Variants in NOL10 observed in about 807,000 individuals in gnomAD.
The protein encoded by NOL10 is H_NH0074G24.1.
A neutral mutation model predicts 103.5 loss-of-function variants in NOL10; 58 were observed. That is an observed-to-expected ratio of 0.56 (90% CI 0.45 to 0.70). The LOEUF is 0.70. Among genes scored for constraint, NOL10 ranks in the 30% least tolerant of loss-of-function variants. NOL10 has a pLI of 0.00. For missense variants in NOL10, 763 were observed against 807.3 expected, an observed-to-expected ratio of 0.95 and a Z score of 0.67; for synonymous variants, 287 against 282.5, an observed-to-expected ratio of 1.02 and a Z score of -0.16.
intron 13 of NOL10, among the ~76,000 whole-genome samples, chr2:10,633,727 G>A (rs748515677): frequency 3.1e-4 from 47 of 152,076 alleles, no homozygotes; most frequent in Non-Finnish European, 5.9e-4. Context: ...GCAAAATAAT[G>A]AGCCACTGGA....
At chr2:10,670,779 A>G (rs1286587817) in intron 6 of NOL10, among the ~76,000 whole-genome samples, 1 of 152,170 alleles carries the variant, frequency 6.6e-6, no homozygotes, top group African/African-American at 2.4e-5. Context: ...CAGAAAAAAC[A>G]AAACAAAAAG....
intron 20 of NOL10, among the ~76,000 whole-genome samples, chr2:10,574,646 C>CA (rs145471806): frequency 0.35 from 40,715 of 116,290 alleles, 6,886 homozygotes; most frequent in Non-Finnish European, 0.44. Context: ...GACTCTGTCT[C>CA]AAAAAAAAAA....
At chr2:10,668,040 C>T (rs1483461206) in intron 7 of NOL10, among the ~76,000 whole-genome samples, 1 of 152,150 alleles carries the variant, frequency 6.6e-6, no homozygotes, top group Non-Finnish European at 1.5e-5. Context: ...CTACTTACCT[C>T]TCTGAGCCTC....
intron 3 of NOL10, among the ~76,000 whole-genome samples, chr2:10,679,615 T>C (rs1438691065): frequency 2.8e-5 from 4 of 143,290 alleles, no homozygotes; most frequent in Admixed American, 7.0e-5. Context: ...TCTCTTTCTC[T>C]CTCTTTCTCT....
In NOL10 at chr2:10,639,197, C is replaced by T. The variant is rs934959286; in HGVS notation, c.1026+5123G>A. On this transcript the variant is annotated intron_variant, in intron 13 of 20. Coordinates refer to ENST00000381685, the MANE Select transcript of NOL10 (RefSeq NM_024894.4). ...CAGCACTTTGGGAGGCCGAGGCAGGCGGATCACAAGGTCAGGAGATCAAGA... is the reference window on the plus strand; with the variant it reads ...CAGCACTTTGGGAGGCCGAGGCAGGTGGATCACAAGGTCAGGAGATCAAGA... Among the ~76,000 whole-genome samples the T allele has an allele frequency of 5.9e-5, 9 of 152,072 alleles. No homozygotes were observed. The South Asian group carries it at 1.2e-3, about 21-fold the overall frequency.
intron 12 of NOL10, among the ~76,000 whole-genome samples, chr2:10,644,813 G>T (rs1678941023): frequency 6.6e-6 from 1 of 152,120 alleles, no homozygotes; most frequent in Non-Finnish European, 1.5e-5. Flanking sequence ...TTCAATAAAG[G>T]ATTCTCTATA....
At chr2:10,590,722 C>T (rs572155312) in intron 17 of NOL10, 17 of 151,154 alleles carry the variant, frequency 1.1e-4, no homozygotes, top group Non-Finnish European at 1.5e-4. Context: ...ATACTAAATT[C>T]CTTTTTATTT....
chr2:10,683,632 A>G (rs1246172787), intron 2 of NOL10, among the ~76,000 whole-genome samples: 1 of 152,172 alleles, frequency 6.6e-6, no homozygotes, highest in East Asian at 1.9e-4. Context: ...CTTGATAGAC[A>G]GGTAACCTGT....
intron 13 of NOL10, among the ~76,000 whole-genome samples, chr2:10,611,125 A>G (rs143238955): frequency 6.6e-6 from 1 of 152,356 alleles, no homozygotes; most frequent in East Asian, 1.9e-4. Context: ...CAGTATTAAT[A>G]AAAGTAGAAA....
intron 1 of NOL10, among the ~76,000 whole-genome samples, chr2:10,687,986 C>T (rs1246015930): frequency 1.3e-5 from 2 of 152,188 alleles, no homozygotes; most frequent in African/African-American, 4.8e-5. Flanking sequence ...TGTGTTCCTT[C>T]TTGATTCTTC....
chr2:10,638,483 CTTTTTT>C (rs869294782), intron 13 of NOL10, among the ~76,000 whole-genome samples: 23,927 of 76,296 alleles, frequency 0.31, 2,215 homozygotes, highest in Middle Eastern at 0.36. Context: ...GCTGAATTCC[CTTTTTT>C]TTTTTTTTTT....
intron 13 of NOL10, among the ~76,000 whole-genome samples, chr2:10,639,936 C>T (rs888724492): frequency 6.6e-6 from 1 of 152,112 alleles, no homozygotes; most frequent in African/African-American, 2.4e-5. Flanking sequence ...AAGCTGGCTA[C>T]AGAGATATCT....
At chr2:10,629,437 A>G (rs1677692956) in intron 13 of NOL10, among the ~76,000 whole-genome samples, 1 of 152,154 alleles carries the variant, frequency 6.6e-6, no homozygotes, top group South Asian at 2.1e-4. Context: ...AAAAAACAAG[A>G]TAAGAAACCA....
chr2:10,580,846 C>A (rs1674712614), intron 19 of NOL10, among the ~76,000 whole-genome samples: 1 of 152,052 alleles, frequency 6.6e-6, no homozygotes, highest in Non-Finnish European at 1.5e-5. Context: ...TTCATAAAGG[C>A]ATGTGCTTCA....
Position 10,689,929 on chromosome 2 carries a change from G to C in NOL10, c.-68C>G, listed in dbSNP as rs1682519825. 6.9e-7 allele frequency: 1 copy of C among 1,457,096 alleles called. No homozygotes were observed. Among genetic ancestry groups the C allele is most frequent in the Non-Finnish European group, 9.4e-7 (1 of 1,060,966 alleles). 90.3% of individuals were successfully genotyped at this position (1,457,096 alleles called of 1,614,324 possible). A position where few individuals can be genotyped will look rare whatever the true frequency, so the allele number is the denominator to read the frequency against. ...AGCGTGCTCGAGCACCGTAATCCCG[G>C]GACCTCCGAGCCCCTGCTCCGCGGC... is the stretch of plus-strand genomic sequence containing the variant. On this transcript the variant is annotated 5_prime_UTR_variant, in exon 1 of 21. Coordinates refer to ENST00000381685, the MANE Select transcript of NOL10 (RefSeq NM_024894.4).
intron 13 of NOL10, among the ~76,000 whole-genome samples, chr2:10,611,195 A>G (rs914470153): frequency 6.6e-6 from 1 of 152,214 alleles, no homozygotes; most frequent in Admixed American, 6.5e-5. Flanking sequence ...TAGCAACTTT[A>G]ATGATAATCA....
intron 13 of NOL10, among the ~76,000 whole-genome samples, chr2:10,619,349 T>C (rs1677002595): frequency 6.6e-6 from 1 of 152,146 alleles, no homozygotes; most frequent in Admixed American, 6.5e-5. Flanking sequence ...AGACGGGGTC[T>C]CACTATGTTG....
At chr2:10,662,439 C>T (rs1331691729) in intron 9 of NOL10, among the ~76,000 whole-genome samples, 5 of 152,098 alleles carry the variant, frequency 3.3e-5, no homozygotes, top group Non-Finnish European at 7.3e-5. Context: ...TAGCAATGTA[C>T]CAAAAACCTT....
intron 13 of NOL10, among the ~76,000 whole-genome samples, chr2:10,612,475 T>C (rs1572288244): frequency 6.6e-6 from 1 of 151,712 alleles, no homozygotes; most frequent in African/African-American, 2.4e-5. Context: ...AGAACAGCCA[T>C]TAAATTTGAA....
Sources: gnomAD v4.1 joint callset for allele counts (sites outside exome capture counted in the v4.1 genomes callset) on GRCh38, gnomAD v4.1.1 for gene constraint, MANE v1.5 for transcripts, NCBI Gene and HGNC (gene_info 2026-07-23, HGNC 2026-07-21) for gene names.